The following MAMLD1 variants were observed in gnomAD, a reference collection of about 807,000 sequenced individuals.
MAMLD1 encodes the protein mastermind like domain containing 1.
In MAMLD1, 14 loss-of-function variants were observed where a neutral mutation model predicts 45.0. The ratio of observed to expected loss-of-function variants is 0.31; its 90% CI spans 0.21 to 0.49. The LOEUF (loss-of-function observed/expected upper bound fraction) is 0.49. MAMLD1 is among the 20% of genes least tolerant of loss of function. The pLI, the probability that MAMLD1 is intolerant of heterozygous loss-of-function variation, is 0.99. For synonymous variants in MAMLD1, 254 were observed against 247.8 expected (o/e 1.02, Z -0.24); for missense variants, 543 against 603.6 (o/e 0.90, Z 1.05).
In MAMLD1 at chrX:150,419,370, G is replaced by C. The variant is rs1602738446; in HGVS notation, c.-63-26084G>C. Among the ~76,000 whole-genome samples the C allele has an allele frequency of 2.8e-5, 3 of 106,475 alleles. No individual in the cohort carries two copies. The South Asian group carries it at 1.3e-3, about 47-fold the overall frequency. The allele number at this position is 106,475 out of a possible 115,157, so 92.5% of individuals were successfully genotyped here. A position where few individuals can be genotyped will look rare whatever the true frequency, so the allele number is the denominator to read the frequency against. The stretch of plus-strand genomic sequence containing the variant: ...ATGGGTTTCCTGAATACAGCACACT[G>C]ATGGGTCTTGACTCTTTATCCAATT... On this transcript the variant is annotated intron_variant, in intron 1 of 7. Transcript: ENST00000370401.
chrX:150,383,030 G>A (rs1386146343), intron 1 of MAMLD1, among the ~76,000 whole-genome samples: 8 of 57,584 alleles, frequency 1.4e-4, no homozygotes, highest in Non-Finnish European at 1.8e-4. Context: ...TCAGCCTCCC[G>A]AGTAGCTGGG....
At chrX:150,430,730 C>T (rs782561049) in intron 1 of MAMLD1, among the ~76,000 whole-genome samples, 56 of 112,054 alleles carry the variant, frequency 5.0e-4, no homozygotes, top group Admixed American at 1.9e-4. Flanking sequence ...ATTATTCCTC[C>T]ACTGAATTGC....
chrX:150,394,129 C>CTTTTTTTTTTGTTTTTTTTTTT (rs2033316586), intron 1 of MAMLD1, among the ~76,000 whole-genome samples: 1 of 12,256 alleles, frequency 8.2e-5, no homozygotes, highest in Non-Finnish European at 1.3e-4. Context: ...TATCTACATC[C>CTTTTTTTTTTGTTTTTTTTTTT]TTTTTTTTTT....
At chrX:150,367,620 A>G (rs2031575297) in intron 1 of MAMLD1, among the ~76,000 whole-genome samples, 1 of 111,802 alleles carries the variant, frequency 8.9e-6, no homozygotes, top group Admixed American at 9.4e-5. Flanking sequence ...CAGGTTTGTT[A>G]CATATGTATA....
rs782723759 is a variant in MAMLD1, at chrX:150,463,724, C to G, written c.171+878C>G. ...GCAGAAGCCTGTTGAAGCCCCAGCC[C>G]TCAGGTCAGGGTGGCTAAAGGCTGA... On this transcript the variant is annotated intron_variant, in intron 3 of 7. Coordinates refer to ENST00000370401, the MANE Select transcript of MAMLD1 (RefSeq NM_005491.5). Among the ~76,000 whole-genome samples the G allele has an allele frequency of 3.6e-5, 4 of 111,512 alleles. No homozygotes were observed. In the South Asian group the frequency reaches 1.5e-3, roughly 43 times the overall value.
In MAMLD1 at chrX:150,424,322, C is replaced by T. The variant is rs368766814; in HGVS notation, c.-63-21132C>T. Reference sequence around the variant, plus strand: ...TGATTCATCACTGGGTAGCACATGACGCCCAGATGAGAGGGGGGCATTTTT... The same window carrying T: ...TGATTCATCACTGGGTAGCACATGATGCCCAGATGAGAGGGGGGCATTTTT... On this transcript the variant is annotated intron_variant, in intron 1 of 7. Transcript: ENST00000370401. Among the ~76,000 whole-genome samples, 10 of 112,519 alleles carry T rather than the reference C, an allele frequency of 8.9e-5. No homozygotes were observed. In the East Asian group the frequency reaches 1.1e-3, roughly 13 times the overall value.
chrX:150,383,503 T>C (rs1193472458), intron 1 of MAMLD1, among the ~76,000 whole-genome samples: 2 of 111,438 alleles, frequency 1.8e-5, no homozygotes, highest in Non-Finnish European at 3.8e-5. Context: ...TTTGTAACTT[T>C]CTGGATGCAG....
At chrX:150,395,515 T>C (rs1487669914) in intron 1 of MAMLD1, among the ~76,000 whole-genome samples, 1 of 111,855 alleles carries the variant, frequency 8.9e-6, no homozygotes, top group Non-Finnish European at 1.9e-5. Flanking sequence ...TTGTGTCATT[T>C]CTTCCTTAAG....
In MAMLD1 at chrX:150,375,735, C is replaced by A. The variant is rs373033688; in HGVS notation, c.-64+12205C>A. ...AAGAGTGCTTAGCACAGGGTCACTA[C>A]GCAGAGTGGCTCCCATTCCCATCCT... On this transcript the variant is annotated intron_variant, in intron 1 of 7. Coordinates refer to ENST00000370401, the MANE Select transcript of MAMLD1 (RefSeq NM_005491.5). Among the ~76,000 whole-genome samples, 4 of 93,674 alleles carry A rather than the reference C, an allele frequency of 4.3e-5. No individual in the cohort carries two copies. In the East Asian group the frequency reaches 9.1e-4, roughly 21 times the overall value. 81.3% of individuals were successfully genotyped at this position (93,674 alleles called of 115,157 possible).
intron 1 of MAMLD1, among the ~76,000 whole-genome samples, chrX:150,399,457 T>A (rs781841296): frequency 9.0e-6 from 1 of 111,589 alleles, no homozygotes; most frequent in East Asian, 2.8e-4. Flanking sequence ...TTAGAACCCG[T>A]GAATGTGAGT....
At chrX:150,508,902 GGT>G (rs1230047163) in intron 6 of MAMLD1, among the ~76,000 whole-genome samples, 1 of 111,762 alleles carries the variant, frequency 8.9e-6, no homozygotes, top group Non-Finnish European at 1.9e-5. Context: ...CACTGTGTGG[GGT>G]GAGGCTTCAA....
chrX:150,471,603 A>G, intron 4 of MAMLD1, 113 bp downstream of exon 4: 2 of 1,091,304 alleles, frequency 1.8e-6, no homozygotes, highest in Non-Finnish European at 2.5e-6. Flanking sequence ...TCTCTCTGAG[A>G]CTGGAAAAGA....
At chrX:150,403,216 C>A (rs2033864515) in intron 1 of MAMLD1, among the ~76,000 whole-genome samples, 2 of 111,549 alleles carry the variant, frequency 1.8e-5, no homozygotes, top group Non-Finnish European at 3.8e-5. Flanking sequence ...AAGTCACATA[C>A]TGTATGATTC....
Position 150,402,970 on chromosome X carries a change from C to T in MAMLD1, c.-64+39440C>T, listed in dbSNP as rs1557402517. On this transcript the variant is annotated intron_variant, in intron 1 of 7. Coordinates refer to ENST00000370401, the MANE Select transcript of MAMLD1 (RefSeq NM_005491.5). Reference sequence around the variant, plus strand: ...ATGGCATTGGGAGATATACCTAATGCTAGATGACGAGTTACTGGTGCAGCA... The same window carrying T: ...ATGGCATTGGGAGATATACCTAATGTTAGATGACGAGTTACTGGTGCAGCA... Among the ~76,000 whole-genome samples, 265 of 110,181 alleles carry T rather than the reference C, an allele frequency of 2.4e-3. 3 individuals are homozygous for T. Among genetic ancestry groups the T allele is most frequent in the African/African-American group, 8.5e-3 (256 of 30,190 alleles).
intron 2 of MAMLD1, among the ~76,000 whole-genome samples, chrX:150,455,431 T>C (rs919542831): frequency 1.8e-5 from 2 of 112,245 alleles, no homozygotes; most frequent in Non-Finnish European, 3.8e-5. Context: ...GAGTAAACCA[T>C]GTTACAGGCT....
intron 1 of MAMLD1, among the ~76,000 whole-genome samples, chrX:150,366,995 C>G (rs1335739097): frequency 2.0e-5 from 2 of 100,992 alleles, no homozygotes; most frequent in African/African-American, 7.5e-5. Flanking sequence ...CTTTTCCTTA[C>G]AAGATCTCCT....
chrX:150,469,880 A>T lies in MAMLD1; in HGVS notation c.307A>T (p.Thr103Ser). Reference sequence around the variant, plus strand: ...AATGGGCCCAGGTGCTCATCCTAGTACTGCTTGTGCAGAACTGCAGGTCCC... The same window carrying T: ...AATGGGCCCAGGTGCTCATCCTAGTTCTGCTTGTGCAGAACTGCAGGTCCC... ...LAMGPGAHPS[T>S]ACAELQVPPL... Residue 103 changes from threonine (T) to serine (S), a missense_variant, in exon 4 of 8, where the codon ACT becomes TCT. By Grantham distance (58) the Thr-to-Ser change is moderately conservative (BLOSUM62 1). Transcript: ENST00000370401. 1 of 1,211,485 alleles carries T rather than the reference A, an allele frequency of 8.3e-7. No homozygotes were observed. Among genetic ancestry groups the T allele is most frequent in the East Asian group, 3.0e-5 (1 of 33,829 alleles).
intron 2 of MAMLD1, among the ~76,000 whole-genome samples, chrX:150,453,505 AACTCCAC>A (rs2035735186): frequency 9.0e-6 from 1 of 111,369 alleles, no homozygotes; most frequent in Non-Finnish European, 1.9e-5. Context: ...AGCTGGCCCC[AACTCCAC>A]ACTCCCAATT....
intron 5 of MAMLD1, among the ~76,000 whole-genome samples, chrX:150,475,962 A>G (rs1396041902): frequency 8.9e-6 from 1 of 112,273 alleles, no homozygotes; most frequent in Non-Finnish European, 1.9e-5. Flanking sequence ...ACAACCCTCC[A>G]GTGTAATCTG....
Sources: gnomAD v4.1 joint callset for allele counts (sites outside exome capture counted in the v4.1 genomes callset) on GRCh38, gnomAD v4.1.1 for gene constraint, MANE v1.5 for transcripts, NCBI Gene and HGNC (gene_info 2026-07-23, HGNC 2026-07-21) for gene names.